TLN2: variants seen among roughly 807,000 people sequenced by gnomAD.
TLN2 encodes talin-2.
A neutral mutation model predicts 294.7 loss-of-function variants in TLN2; 118 were observed. The observed-to-expected ratio is 0.40, with a 90% CI of 0.34 to 0.47. The LOEUF is 0.47. Ranked by LOEUF, TLN2 falls within the 20% of genes least tolerant of loss-of-function variation. The pLI, the probability that TLN2 is intolerant of heterozygous loss-of-function variation, is 0.84. For synonymous variants in TLN2, 1,431 were observed against 1,304.5 expected, an observed-to-expected ratio of 1.10 and a Z score of -2.09; for missense variants, 3,083 against 3,282.2, an observed-to-expected ratio of 0.94 and a Z score of 1.48.
intron 1 of TLN2, among the ~76,000 whole-genome samples, chr15:62,492,009 A>G (rs1011374687): frequency 1.3e-5 from 2 of 152,182 alleles, no homozygotes; most frequent in Non-Finnish European, 1.5e-5. Context: ...AATTTCTGGT[A>G]TATACATATG....
intron 32 of TLN2, among the ~76,000 whole-genome samples, chr15:62,742,484 G>A (rs961230921): frequency 6.6e-6 from 1 of 152,142 alleles, no homozygotes; most frequent in African/African-American, 2.4e-5. Flanking sequence ...CTAAATTGTG[G>A]GAAGGAGGGG....
At chr15:62,446,709 G>A (rs1024818826) in intron 1 of TLN2, among the ~76,000 whole-genome samples, 7 of 152,052 alleles carry the variant, frequency 4.6e-5, no homozygotes, top group East Asian at 3.9e-4. Flanking sequence ...GATTTTTACC[G>A]TTGGGTCTAA....
chr15:62,601,001 T>A (rs180752720), intron 2 of TLN2, among the ~76,000 whole-genome samples: 2 of 152,354 alleles, frequency 1.3e-5, no homozygotes, highest in Admixed American at 6.5e-5. Context: ...CAAATGAGAC[T>A]TATTCATTGC....
intron 1 of TLN2, among the ~76,000 whole-genome samples, chr15:62,565,257 T>C (rs2043300266): frequency 6.6e-6 from 1 of 152,206 alleles, no homozygotes; most frequent in Non-Finnish European, 1.5e-5. Context: ...CGATATTCTT[T>C]TGGTACAGTA....
At chr15:62,657,325 A>G (rs184776647) in intron 8 of TLN2, among the ~76,000 whole-genome samples, 7 of 151,418 alleles carry the variant, frequency 4.6e-5, no homozygotes, top group East Asian at 1.9e-4. Flanking sequence ...CTCTTCCTCT[A>G]TTACATTGGT....
chr15:62,781,273 T>C (rs2064140921), intron 44 of TLN2, 32 bp downstream of exon 44: 2 of 1,570,262 alleles, frequency 1.3e-6, no homozygotes, highest in Non-Finnish European at 1.8e-6. Flanking sequence ...CTCCCCACTG[T>C]TGTTTGCCTT....
At chr15:62,601,779 A>C (rs1301922997) in intron 2 of TLN2, among the ~76,000 whole-genome samples, 1 of 152,180 alleles carries the variant, frequency 6.6e-6, no homozygotes, top group East Asian at 1.9e-4. Flanking sequence ...ATGTTCTTTT[A>C]TTTTCAAGGC....
chr15:62,423,247 C>T (rs979748666), intron 1 of TLN2, among the ~76,000 whole-genome samples: 30 of 152,126 alleles, frequency 2.0e-4, no homozygotes, highest in Non-Finnish European at 2.9e-5. Flanking sequence ...ATTATCTGGG[C>T]ATGGTGGCGT....
At chr15:62,391,658 C>T (rs2032095886) in intron 1 of TLN2, among the ~76,000 whole-genome samples, 1 of 143,360 alleles carries the variant, frequency 7.0e-6, no homozygotes, top group East Asian at 2.5e-4. Flanking sequence ...GAGGCAGGCG[C>T]GGAGGCGGCC....
intron 1 of TLN2, among the ~76,000 whole-genome samples, chr15:62,454,251 C>T (rs1414764572): frequency 2.6e-5 from 4 of 152,154 alleles, no homozygotes; most frequent in African/African-American, 9.7e-5. Flanking sequence ...TAGAGCAGTC[C>T]TCCAGCAAAT....
At chr15:62,399,121 T>C (rs1207653614) in intron 1 of TLN2, among the ~76,000 whole-genome samples, 2 of 151,870 alleles carry the variant, frequency 1.3e-5, no homozygotes, top group African/African-American at 2.4e-5. Context: ...TTCCAGTTGA[T>C]GTTGGTCCTG....
intron 1 of TLN2, among the ~76,000 whole-genome samples, chr15:62,568,163 A>G (rs1277417260): frequency 6.6e-6 from 1 of 152,104 alleles, no homozygotes; most frequent in East Asian, 1.9e-4. Context: ...TGGGCAAGGA[A>G]CATGGTCCTT....
At chr15:62,668,823 G>A (rs1451290645) in intron 9 of TLN2, among the ~76,000 whole-genome samples, 3 of 152,236 alleles carry the variant, frequency 2.0e-5, no homozygotes, top group Admixed American at 2.0e-4. Flanking sequence ...TTGGCCTTCA[G>A]AAAATGGCAG....
chr15:62,746,366 G>C (rs990336144), intron 32 of TLN2, among the ~76,000 whole-genome samples: 1 of 152,138 alleles, frequency 6.6e-6, no homozygotes, highest in Non-Finnish European at 1.5e-5. Context: ...GCAATCCTTG[G>C]AACTAGGGAT....
chr15:62,561,006 C>G (rs542997086), intron 1 of TLN2, among the ~76,000 whole-genome samples: 1 of 152,292 alleles, frequency 6.6e-6, no homozygotes, highest in African/African-American at 2.4e-5. Flanking sequence ...TCGCTGCTTC[C>G]CATTCTTCCT....
chr15:62,529,539 T>C (rs1467937396), intron 1 of TLN2, among the ~76,000 whole-genome samples: 1 of 147,126 alleles, frequency 6.8e-6, no homozygotes, highest in Non-Finnish European at 1.5e-5. Flanking sequence ...TTTTTTTATT[T>C]TTTTTCTCTT....
intron 41 of TLN2, among the ~76,000 whole-genome samples, chr15:62,768,150 C>T (rs944390986): frequency 6.6e-6 from 1 of 152,112 alleles, no homozygotes; most frequent in Non-Finnish European, 1.5e-5. Flanking sequence ...TTCAGCAGCA[C>T]CTGGGAGTGA....
chr15:62,718,166 A>G (rs964744639), intron 24 of TLN2, among the ~76,000 whole-genome samples: 2 of 152,064 alleles, frequency 1.3e-5, no homozygotes, highest in South Asian at 2.1e-4. Context: ...TTTTGTCTCT[A>G]TTCTTCTGAC....
intron 37 of TLN2, among the ~76,000 whole-genome samples, chr15:62,758,875 T>C (rs1310273787): frequency 6.6e-6 from 1 of 152,210 alleles, no homozygotes; most frequent in Non-Finnish European, 1.5e-5. Flanking sequence ...TTCCAGGTGC[T>C]GGTTTTATTG....
Sources: allele counts gnomAD v4.1 joint callset (sites outside exome capture counted in the v4.1 genomes callset), GRCh38; gene constraint gnomAD v4.1.1; transcripts MANE v1.5; gene names NCBI Gene and HGNC (gene_info 2026-07-23, HGNC 2026-07-21).